The following SEPTIN5 variants were observed in gnomAD, a reference collection of about 807,000 sequenced individuals.
SEPTIN5 encodes septin 5, also known as septin-5.
Under a neutral mutation model 51.2 loss-of-function variants are expected in SEPTIN5, and 16 were observed. The observed-to-expected ratio is 0.31, with a 90% CI of 0.21 to 0.47. The LOEUF (loss-of-function observed/expected upper bound fraction) is 0.47. Ranked by LOEUF, SEPTIN5 falls within the 20% of genes least tolerant of loss-of-function variation. The pLI, the probability that SEPTIN5 is intolerant of heterozygous loss-of-function variation, is 0.99. For synonymous variants in SEPTIN5, 208 were observed against 191.2 expected, an observed-to-expected ratio of 1.09 and a Z score of -0.72; for missense variants, 376 against 500.3, an observed-to-expected ratio of 0.75 and a Z score of 2.37.
Position 19,714,514 on chromosome 22 carries a change from C to G in SEPTIN5, c.-75C>G. The G allele has an allele frequency of 9.4e-7, 1 of 1,065,954 alleles. No individual in the cohort carries two copies. Among genetic ancestry groups the G allele is most frequent in the Non-Finnish European group, 1.2e-6 (1 of 844,946 alleles). 66.0% of individuals were successfully genotyped at this position (1,065,954 alleles called of 1,614,324 possible). ...CGGAGGGGCCGCTCACCCCGCAGCCCGGCCTCGGCCTCCGCCGCTTGTCGT... is the reference window on the plus strand; with the variant it reads ...CGGAGGGGCCGCTCACCCCGCAGCCGGGCCTCGGCCTCCGCCGCTTGTCGT... On this transcript the variant is annotated 5_prime_UTR_variant, in exon 1 of 12. Transcript: ENST00000455784. The surrounding 1 kb of genome is among the most constrained non-coding windows in gnomAD (Gnocchi z 5.2).
At chr22:19,718,725 G>A (rs758500003) in intron 2 of SEPTIN5, 5 of 1,246,216 alleles carry the variant, frequency 4.0e-6, no homozygotes, top group Non-Finnish European at 5.0e-6. Flanking sequence ...CCGGGCCTGG[G>A]GGGGTCGCCG....
rs1484825370 is a variant in SEPTIN5 at position 19,722,223 on chromosome 22, C to T, written c.951-14C>T. The stretch of plus-strand genomic sequence containing the variant: ...TGGCGCCGCCCCGCCCATCCTCCCC[C>T]CCGCCCCGCGCAGCAAACTGACCCA... On this transcript the variant is annotated splice_polypyrimidine_tract_variant and intron_variant, in intron 10 of 11. Coordinates refer to ENST00000455784, the MANE Select transcript of SEPTIN5 (RefSeq NM_002688.6). 3 of 1,560,734 alleles carry T rather than the reference C, an allele frequency of 1.9e-6. No homozygotes were observed. The highest frequency in any genetic ancestry group is 2.3e-5 in the South Asian group (2 of 86,152).
chr22:19,718,765 C>T (rs779848776), intron 2 of SEPTIN5: 6 of 1,237,042 alleles, frequency 4.9e-6, no homozygotes, highest in Admixed American at 8.3e-5. Context: ...GCCCCAGGAC[C>T]GCCTGGTGGA....
In SEPTIN5 at chr22:19,722,276, G is replaced by C. The variant is rs528611916; in HGVS notation, c.990G>C (p.Pro330=). ...ACAGCCGCATGGAGAGCCCCATCCC[G>C]ATCCTGCCGCTGCCCACCCCGGACG... ...TQDSRMESPI[P]ILPLPTPDAE... The change falls in exon 11 of 12, where the codon CCG becomes CCC. Residue 330 remains proline, a synonymous_variant. Coordinates refer to ENST00000455784, the MANE Select transcript of SEPTIN5 (RefSeq NM_002688.6). The C allele has an allele frequency of 6.2e-7, 1 of 1,610,848 alleles. No individual in the cohort carries two copies.
chr22:19,720,269 C>G lies in SEPTIN5; in HGVS notation c.362+31C>G, dbSNP rs377550017. The stretch of plus-strand genomic sequence containing the variant: ...TGAGGCCTGCTGAGAAAGGCCTTGC[C>G]TAGGCGGCCACAGCACTCGAGGCCT... On this transcript the variant is annotated intron_variant, in intron 5 of 11. Coordinates refer to ENST00000455784, the MANE Select transcript of SEPTIN5 (RefSeq NM_002688.6). 5 of 1,613,366 alleles carry G rather than the reference C, an allele frequency of 3.1e-6. No individual in the cohort carries two copies. The African/African-American group carries it at 5.3e-5, about 17-fold the overall frequency.
intron 2 of SEPTIN5, chr22:19,717,628 C>G (rs976224930): frequency 3.3e-6 from 1 of 303,384 alleles, no homozygotes; most frequent in South Asian, 2.5e-5. Context: ...CTCCAGTACT[C>G]CGGCAGCCTG....
At chr22:19,720,022 A>C (rs921444991) in intron 4 of SEPTIN5, 93 bp from the exon 5 acceptor site, 1 of 1,605,372 alleles carries the variant, frequency 6.2e-7, no homozygotes, top group African/African-American at 1.3e-5. Flanking sequence ...GGGTAGGGCC[A>C]AGGCACCAAG....
intron 8 of SEPTIN5, among the ~76,000 whole-genome samples, chr22:19,721,264 C>T (rs777614440): frequency 2.6e-5 from 4 of 152,188 alleles, no homozygotes; most frequent in Admixed American, 6.5e-5. Context: ...TTGGGTGCCC[C>T]GGCAGCTAGA....
In SEPTIN5 at chr22:19,723,204, A is replaced by G. The variant is rs1377806052; in HGVS notation, c.*720A>G. The G allele has an allele frequency of 3.4e-6, 2 of 594,882 alleles. No individual in the cohort carries two copies. Among genetic ancestry groups the G allele is most frequent in the Non-Finnish European group, 3.2e-6 (1 of 316,336 alleles). 36.9% of individuals were successfully genotyped at this position (594,882 alleles called of 1,614,324 possible). On this transcript the variant is annotated 3_prime_UTR_variant, in exon 12 of 12. Transcript: ENST00000455784. ...TGTGGTGTGCCGGGATCCTGAGCCT[A>G]GGCCTCCCGATGTTCCCACCCGCAT...
At chr22:19,717,511 C>T (rs1366866574) in intron 2 of SEPTIN5, 1 of 357,074 alleles carries the variant, frequency 2.8e-6, no homozygotes, top group Non-Finnish European at 5.7e-6. Flanking sequence ...CCATCCCACC[C>T]CCACCCCTGT....
chr22:19,719,134 C>T lies in SEPTIN5; in HGVS notation c.55-468C>T, dbSNP rs191098981. 26 of 252,840 alleles carry T rather than the reference C, an allele frequency of 1.0e-4. No homozygotes were observed. In the East Asian group the frequency reaches 1.4e-3, roughly 14 times the overall value. The allele number at this position is 252,840 out of a possible 1,614,324, so 15.7% of individuals were successfully genotyped here. A position where few individuals can be genotyped will look rare whatever the true frequency, so the allele number is the denominator to read the frequency against. ...CGCGGTCTATAAATAGGCGCTGCTC[C>T]GCCACCGCCGCTGCCGCCGCCCCCG... On this transcript the variant is annotated intron_variant, in intron 2 of 11. Coordinates refer to ENST00000455784, the MANE Select transcript of SEPTIN5 (RefSeq NM_002688.6).
chr22:19,714,771 G>C lies in SEPTIN5; in HGVS notation c.44-10G>C. The C allele has an allele frequency of 6.5e-7, 1 of 1,533,452 alleles. No homozygotes were observed. The highest frequency in any genetic ancestry group is 8.8e-7 in the Non-Finnish European group (1 of 1,141,016). 95.0% of individuals were successfully genotyped at this position (1,533,452 alleles called of 1,614,324 possible). A position where few individuals can be genotyped will look rare whatever the true frequency, so the allele number is the denominator to read the frequency against. On this transcript the variant is annotated splice_polypyrimidine_tract_variant and intron_variant, in intron 1 of 11. Transcript: ENST00000455784. The surrounding 1 kb of genome is among the most constrained non-coding windows in gnomAD (Gnocchi z 5.2). ...CGGACCCGGACTCGACCCCGACCCC[G>C]ACCCCGCAGAGGACAAGCAGGTACG... is the stretch of plus-strand genomic sequence containing the variant.
At chr22:19,716,150 C>T (rs1935908447) in intron 2 of SEPTIN5, among the ~76,000 whole-genome samples, 2 of 152,180 alleles carry the variant, frequency 1.3e-5, no homozygotes, top group African/African-American at 4.8e-5. Context: ...TCCACCTCAC[C>T]CCATCCCAGG....
chr22:19,718,232 T>G, intron 2 of SEPTIN5: 1 of 204,976 alleles, frequency 4.9e-6, no homozygotes, highest in Non-Finnish European at 8.6e-6. Context: ...CGTCCCCTCC[T>G]GCTGTCCTGG....
chr22:19,719,551 G>T, intron 2 of SEPTIN5, 51 bp from the exon 3 acceptor site: 2 of 1,463,368 alleles, frequency 1.4e-6, no homozygotes, highest in South Asian at 1.2e-5. Context: ...ACAGGGTATT[G>T]GGCTTCTGGA....
At position 19,722,612 on chromosome 22, in the gene SEPTIN5, C is replaced by T. The variant is rs1253300268; in HGVS notation, c.*128C>T. 4 of 964,582 alleles carry T rather than the reference C, an allele frequency of 4.1e-6. No homozygotes were observed. Among genetic ancestry groups the T allele is most frequent in the Admixed American group, 4.2e-5 (2 of 47,238 alleles). The allele number at this position is 964,582 out of a possible 1,614,324, so 59.8% of individuals were successfully genotyped here. A position where few individuals can be genotyped will look rare whatever the true frequency, so the allele number is the denominator to read the frequency against. The stretch of plus-strand genomic sequence containing the variant: ...TGACCCTAATTTATTCTCAGCACCA[C>T]CCCCTCCCAGGTCATTGTGTCTGTT... On this transcript the variant is annotated 3_prime_UTR_variant, in exon 12 of 12. Transcript: ENST00000455784.
chr22:19,719,706 G>A lies in SEPTIN5; in HGVS notation c.151+8G>A. 1 of 1,612,610 alleles carries A rather than the reference G, an allele frequency of 6.2e-7. No individual in the cohort carries two copies. Among genetic ancestry groups the A allele is most frequent in the Non-Finnish European group, 8.5e-7 (1 of 1,179,740 alleles). On this transcript the variant is annotated splice_region_variant and intron_variant, in intron 3 of 11. Transcript: ENST00000455784. ...TCACACTCATGGTGGCTGGTGAGTG[G>A]GCCAGGCTCCTCGGGGGAGTGGCTG...
intron 4 of SEPTIN5, 50 bp from the exon 5 acceptor site, chr22:19,720,065 G>T (rs769026271): frequency 6.2e-7 from 1 of 1,611,440 alleles, no homozygotes; most frequent in Non-Finnish European, 8.5e-7. Context: ...GCTGCCAAGG[G>T]TGAGGGGCTG....
intron 2 of SEPTIN5, chr22:19,717,369 T>C (rs1183325571): frequency 2.1e-6 from 1 of 470,016 alleles, no homozygotes; most frequent in East Asian, 7.0e-5. Context: ...ACCCCCGCAG[T>C]CCCTGGAGTA....
Sources: allele counts gnomAD v4.1 joint callset (sites outside exome capture counted in the v4.1 genomes callset), GRCh38; gene constraint gnomAD v4.1.1; non-coding constraint Gnocchi (gnomAD v3.1); transcripts MANE v1.5; gene names NCBI Gene and HGNC (gene_info 2026-07-23, HGNC 2026-07-21).